Variants in EVX2 observed in about 807,000 individuals in gnomAD.
EVX2 encodes even-skipped homeobox 2, also known as homeobox even-skipped homolog protein 2.
EVX2 carries 10 observed loss-of-function variants against 19.2 expected under a neutral mutation model. The observed-to-expected ratio is 0.52, with a 90% CI of 0.32 to 0.89. The LOEUF (loss-of-function observed/expected upper bound fraction) is 0.89, where lower values mean the gene tolerates loss of function less well. EVX2 is among the 40% of genes least tolerant of loss of function. The probability of loss-of-function intolerance (pLI) is 0.03; values close to 1 mark genes in which losing one functional copy is unlikely to be tolerated. For missense variants in EVX2, 710 were observed against 694.9 expected (o/e 1.02, Z -0.24); for synonymous variants, 354 against 328.4 (o/e 1.08, Z -0.84).
At position 176,082,547 on chromosome 2, in the gene EVX2, A is replaced by AGTC; in HGVS notation, c.428-101_428-99dup. ...TCGGGGAAGCCCCGTCAGGAAGGAGAGTCGCTGCCGGAATTGATGGGGTCT... is the reference window on the plus strand; with the variant it reads ...TCGGGGAAGCCCCGTCAGGAAGGAGAGTCGTCGCTGCCGGAATTGATGGGGTCT... On this transcript the variant is annotated intron_variant, in intron 1 of 2. Transcript: ENST00000308618. The surrounding 1 kb of genome is among the most constrained non-coding windows in gnomAD (Gnocchi z 5.2). The AGTC allele has an allele frequency of 7.1e-7, 1 of 1,399,836 alleles. No homozygotes were observed. Among genetic ancestry groups the AGTC allele is most frequent in the South Asian group, 1.5e-5 (1 of 68,698 alleles). The allele number at this position is 1,399,836 out of a possible 1,614,324, so 86.7% of individuals were successfully genotyped here.
At position 176,080,102 on chromosome 2, in the gene EVX2, C is replaced by T. The variant is rs371899641; in HGVS notation, c.*5G>A. 2.0e-6 allele frequency: 3 copies of T among 1,532,622 alleles called. No individual in the cohort carries two copies. The highest frequency in any genetic ancestry group is 3.9e-5 in the Admixed American group (2 of 50,648). 94.9% of individuals were successfully genotyped at this position (1,532,622 alleles called of 1,614,324 possible). A position where few individuals can be genotyped will look rare whatever the true frequency, so the allele number is the denominator to read the frequency against. On this transcript the variant is annotated 3_prime_UTR_variant, in exon 3 of 3. Transcript: ENST00000308618. The surrounding 1 kb of genome is among the most constrained non-coding windows in gnomAD (Gnocchi z 7.0). ...GGGCGCGGCCCCCTGGCGGTGGCGA[C>T]GTAGTTATCTGGTGAGCGGAGCCTC...
chr2:176,078,762 C>CA lies in EVX2; in HGVS notation c.*1344_*1345insT, dbSNP rs1689088618. On this transcript the variant is annotated 3_prime_UTR_variant, in exon 3 of 3. Transcript: ENST00000308618. Reference sequence around the variant, plus strand: ...TAGTACTTGACAGCAGGTCTCCGTGCGGGGAACTTTTCTCCAATTCCACAT... The same window carrying CA: ...TAGTACTTGACAGCAGGTCTCCGTGCAGGGGAACTTTTCTCCAATTCCACAT... 1.3e-5 allele frequency: 2 copies of CA among 152,198 alleles called. No homozygotes were observed. The highest frequency in any genetic ancestry group is 4.8e-5 in the African/African-American group (2 of 41,446). The allele number at this position is 152,198 out of a possible 1,614,324, so 9.4% of individuals were successfully genotyped here.
chr2:176,080,911 G>GC lies in EVX2; in HGVS notation c.700-74dup, dbSNP rs1689138991. The GC allele has an allele frequency of 1.3e-6, 2 of 1,512,350 alleles. No individual in the cohort carries two copies. Among genetic ancestry groups the GC allele is most frequent in the East Asian group, 4.7e-5 (2 of 42,978 alleles). The allele number at this position is 1,512,350 out of a possible 1,614,324, so 93.7% of individuals were successfully genotyped here. On this transcript the variant is annotated intron_variant, in intron 2 of 2. Coordinates refer to ENST00000308618, the MANE Select transcript of EVX2 (RefSeq NM_001080458.2). The surrounding 1 kb of genome is among the most constrained non-coding windows in gnomAD (Gnocchi z 7.0). ...TCCCAGCTCCTGTCCCAGGACCTCTGCCCCTTCCGGACCTCTGAATGGCTT... is the reference window on the plus strand; with the variant it reads ...TCCCAGCTCCTGTCCCAGGACCTCTGCCCCCTTCCGGACCTCTGAATGGCTT...
At position 176,082,643 on chromosome 2, in the gene EVX2, G is replaced by T. The variant is rs974925084; in HGVS notation, c.428-194C>A. ...GGGAGCCCTTCATAAGCAAATAATAGAAACGGAATTAGGAGATTTCTTTTT... is the reference window on the plus strand; with the variant it reads ...GGGAGCCCTTCATAAGCAAATAATATAAACGGAATTAGGAGATTTCTTTTT... On this transcript the variant is annotated intron_variant, in intron 1 of 2. Transcript: ENST00000308618. The surrounding 1 kb of genome is among the most constrained non-coding windows in gnomAD (Gnocchi z 5.2). Among the ~76,000 whole-genome samples the T allele has an allele frequency of 3.3e-5, 5 of 152,226 alleles. No individual in the cohort carries two copies. Among genetic ancestry groups the T allele is most frequent in the African/African-American group, 4.8e-5 (2 of 41,470 alleles).
chr2:176,083,676 T>C lies in EVX2; in HGVS notation c.101A>G (p.Asn34Ser), dbSNP rs749069138. Residue 34 changes from asparagine to serine, a missense_variant, in exon 1 of 3, where the codon AAT becomes AGT. By Grantham distance (46) the Asn-to-Ser change is conservative. Coordinates refer to ENST00000308618, the MANE Select transcript of EVX2 (RefSeq NM_001080458.2). The surrounding 1 kb of genome is among the most constrained non-coding windows in gnomAD (Gnocchi z 4.4). ...RFSNLSNSAG[N>S]AVLEALENSQ... ...ATTTTCCAGGGCCTCGAGCACAGCA[T>C]TGCCAGCCGAGTTGGACAAATTGGA... 4 of 1,614,178 alleles carry C rather than the reference T, an allele frequency of 2.5e-6. No homozygotes were observed. The highest frequency in any genetic ancestry group is 2.2e-5 in the South Asian group (2 of 91,090).
Position 176,083,305 on chromosome 2 carries a change from C to G in EVX2, c.427+45G>C, listed in dbSNP as rs999970199. 1.3e-6 allele frequency: 2 copies of G among 1,527,100 alleles called. No individual in the cohort carries two copies. The highest frequency in any genetic ancestry group is 1.8e-6 in the Non-Finnish European group (2 of 1,132,380). 94.6% of individuals were successfully genotyped at this position (1,527,100 alleles called of 1,614,324 possible). A position where few individuals can be genotyped will look rare whatever the true frequency, so the allele number is the denominator to read the frequency against. On this transcript the variant is annotated intron_variant, in intron 1 of 2. Transcript: ENST00000308618. The surrounding 1 kb of genome is among the most constrained non-coding windows in gnomAD (Gnocchi z 4.4). ...AAGGCTGGCGGGGGCCGCGGAGGAG[C>G]AAAGAGGATGGGACTGGAGAGCGCG...
At position 176,078,653 on chromosome 2, in the gene EVX2, A is replaced by C. The variant is rs1689086613; in HGVS notation, c.*1454T>G. The C allele has an allele frequency of 6.6e-6, 1 of 152,246 alleles. No individual in the cohort carries two copies. The highest frequency in any genetic ancestry group is 1.5e-5 in the Non-Finnish European group (1 of 68,048). 9.4% of individuals were successfully genotyped at this position (152,246 alleles called of 1,614,324 possible). A position where few individuals can be genotyped will look rare whatever the true frequency, so the allele number is the denominator to read the frequency against. On this transcript the variant is annotated 3_prime_UTR_variant, in exon 3 of 3. Coordinates refer to ENST00000308618, the MANE Select transcript of EVX2 (RefSeq NM_001080458.2). ...CAGGTAACAGAGATAACATTAAATA[A>C]CATACATTCTATGCACCAAGAACAA...
rs1689082047 is a variant in EVX2, at chr2:176,078,269, G to A, written c.*1838C>T. ...GTGTATCTCTTACATATGTATTTAA[G>A]AGCACGGATATATATATGCATATAC... is the stretch of plus-strand genomic sequence containing the variant. On this transcript the variant is annotated 3_prime_UTR_variant, in exon 3 of 3. Coordinates refer to ENST00000308618, the MANE Select transcript of EVX2 (RefSeq NM_001080458.2). The A allele has an allele frequency of 7.3e-6, 1 of 136,848 alleles. No individual in the cohort carries two copies. The highest frequency in any genetic ancestry group is 3.0e-5 in the African/African-American group (1 of 32,994). 8.5% of individuals were successfully genotyped at this position (136,848 alleles called of 1,614,324 possible). A position where few individuals can be genotyped will look rare whatever the true frequency, so the allele number is the denominator to read the frequency against.
Position 176,080,602 on chromosome 2 carries a change from G to A in EVX2, c.936C>T (p.Phe312=), listed in dbSNP as rs769638449. Residue 312 remains phenylalanine, a synonymous_variant, in exon 3 of 3, where the codon TTC becomes TTT. Coordinates refer to ENST00000308618, the MANE Select transcript of EVX2 (RefSeq NM_001080458.2). This position sits in a 1 kb window ranked among gnomAD's most constrained non-coding sequence, Gnocchi z 7.0. The part of the protein sequence containing the change: ...SGAAAAASSP[F]ATSIRPLDTF... Reference sequence around the variant, plus strand: ...TGTCCAGTGGCCGGATGGAAGTAGCGAAGGGCGACGAAGCCGCGGCCGCCG... The same window carrying A: ...TGTCCAGTGGCCGGATGGAAGTAGCAAAGGGCGACGAAGCCGCGGCCGCCG... The A allele has an allele frequency of 1.3e-6, 2 of 1,526,766 alleles. No individual in the cohort carries two copies. The highest frequency in any genetic ancestry group is 1.2e-5 in the South Asian group (1 of 80,066). The allele number at this position is 1,526,766 out of a possible 1,614,324, so 94.6% of individuals were successfully genotyped here.
At position 176,080,139 on chromosome 2, in the gene EVX2, C is replaced by T; in HGVS notation, c.1399G>A (p.Asp467Asn). ...VLSKTAVSPP[D>N]QRDEAPLTR ...GTGAGCGGAGCCTCGTCCCTCTGGT[C>T]CGGCGGGCTCACGGCCGTCTTACTA... The change falls in exon 3 of 3, where the codon GAC (aspartate) becomes AAC (asparagine). Residue 467 changes from aspartate (D) to asparagine (N), a missense_variant. By Grantham distance (23) the Asp-to-Asn change is conservative (BLOSUM62 1). Coordinates refer to ENST00000308618, the MANE Select transcript of EVX2 (RefSeq NM_001080458.2). The surrounding 1 kb of genome is among the most constrained non-coding windows in gnomAD (Gnocchi z 7.0). The T allele has an allele frequency of 6.5e-7, 1 of 1,549,838 alleles. No individual in the cohort carries two copies. Among genetic ancestry groups the T allele is most frequent in the Non-Finnish European group, 8.7e-7 (1 of 1,152,618 alleles).
chr2:176,080,398 G>A lies in EVX2; in HGVS notation c.1140C>T (p.Pro380=). The A allele has an allele frequency of 1.8e-6, 2 of 1,091,894 alleles. No homozygotes were observed. Among genetic ancestry groups the A allele is most frequent in the Middle Eastern group, 4.0e-4 (1 of 2,506 alleles). The allele number at this position is 1,091,894 out of a possible 1,614,324, so 67.6% of individuals were successfully genotyped here. A position where few individuals can be genotyped will look rare whatever the true frequency, so the allele number is the denominator to read the frequency against. ...ACGAGCAGGGTGCAGAGCCGCCGCT[G>A]GGGGGCGCGCCGGCCGCCGCCGCCG... is the stretch of plus-strand genomic sequence containing the variant. The part of the protein sequence containing the change: ...ASSAAAAGAP[P]SGGSAPCSCL... The change falls in exon 3 of 3, where the codon CCC becomes CCT. Residue 380 remains proline, a synonymous_variant. Coordinates refer to ENST00000308618, the MANE Select transcript of EVX2 (RefSeq NM_001080458.2). The surrounding 1 kb of genome is among the most constrained non-coding windows in gnomAD (Gnocchi z 7.0).
In EVX2 at chr2:176,078,986, A is replaced by G. The variant is rs944183410; in HGVS notation, c.*1121T>C. ...GTGGCTTTGCAGAGGCGAAGGCGCA[A>G]TAGACATGCGTGAGAAATATGCCAA... On this transcript the variant is annotated 3_prime_UTR_variant, in exon 3 of 3. Coordinates refer to ENST00000308618, the MANE Select transcript of EVX2 (RefSeq NM_001080458.2). The G allele has an allele frequency of 2.5e-4, 38 of 152,284 alleles. No individual in the cohort carries two copies. The highest frequency in any genetic ancestry group is 8.0e-4 in the African/African-American group (33 of 41,442). 9.4% of individuals were successfully genotyped at this position (152,284 alleles called of 1,614,324 possible).
Position 176,080,871 on chromosome 2 carries a change from G to A in EVX2, c.700-33C>T. On this transcript the variant is annotated intron_variant, in intron 2 of 2. Transcript: ENST00000308618. The surrounding 1 kb of genome is among the most constrained non-coding windows in gnomAD (Gnocchi z 7.0). ...GAGAGACGCGCCGCAGCCTGGGTTA[G>A]GGAGCGCCCCGTGTTCCCAGCTCCT... 6.3e-7 allele frequency: 1 copy of A among 1,587,176 alleles called. No individual in the cohort carries two copies.
rs370365842 is a variant in EVX2, at chr2:176,083,339, G to C, written c.427+11C>G. On this transcript the variant is annotated intron_variant, in intron 1 of 2. Transcript: ENST00000308618. This position sits in a 1 kb window ranked among gnomAD's most constrained non-coding sequence, Gnocchi z 4.4. ...TGGGACTGGAGAGCGCGGTGCGGCC[G>C]GCGCGGTTACCTTTGCCATTGTTTT... 5.1e-6 allele frequency: 8 copies of C among 1,563,574 alleles called. No homozygotes were observed. The highest frequency in any genetic ancestry group is 1.8e-4 in the Middle Eastern group (1 of 5,530).
rs999432115 is a variant in EVX2, at chr2:176,078,126, T to C, written c.*1981A>G. ...CTTTCAAAAGTTTACTGAAAGCCTA[T>C]ATTTAGGAAATGATATTTTAAAATC... On this transcript the variant is annotated 3_prime_UTR_variant, in exon 3 of 3. Coordinates refer to ENST00000308618, the MANE Select transcript of EVX2 (RefSeq NM_001080458.2). The C allele has an allele frequency of 6.6e-6, 1 of 152,200 alleles. No individual in the cohort carries two copies. The highest frequency in any genetic ancestry group is 1.5e-5 in the Non-Finnish European group (1 of 68,010). The allele number at this position is 152,200 out of a possible 1,614,324, so 9.4% of individuals were successfully genotyped here. A position where few individuals can be genotyped will look rare whatever the true frequency, so the allele number is the denominator to read the frequency against.
At position 176,082,563 on chromosome 2, in the gene EVX2, G is replaced by C; in HGVS notation, c.428-114C>G. 1 of 1,244,716 alleles carries C rather than the reference G, an allele frequency of 8.0e-7. No individual in the cohort carries two copies. The highest frequency in any genetic ancestry group is 1.1e-6 in the Non-Finnish European group (1 of 924,294). The allele number at this position is 1,244,716 out of a possible 1,614,324, so 77.1% of individuals were successfully genotyped here. A position where few individuals can be genotyped will look rare whatever the true frequency, so the allele number is the denominator to read the frequency against. On this transcript the variant is annotated intron_variant, in intron 1 of 2. Coordinates refer to ENST00000308618, the MANE Select transcript of EVX2 (RefSeq NM_001080458.2). The surrounding 1 kb of genome is among the most constrained non-coding windows in gnomAD (Gnocchi z 5.2). ...AGGAAGGAGAGTCGCTGCCGGAATT[G>C]ATGGGGTCTGTCATGCTTACAAATT...
chr2:176,079,470 C>T lies in EVX2; in HGVS notation c.*637G>A, dbSNP rs1343370599. On this transcript the variant is annotated 3_prime_UTR_variant, in exon 3 of 3. Transcript: ENST00000308618. The surrounding 1 kb of genome is among the most constrained non-coding windows in gnomAD (Gnocchi z 4.4). ...TGCTCCTGAACGTAGTAAACAATCT[C>T]ACAAACAACCACCGCTGCCCACGCT... The T allele has an allele frequency of 6.6e-6, 1 of 152,240 alleles. No homozygotes were observed. Among genetic ancestry groups the T allele is most frequent in the East Asian group, 1.9e-4 (1 of 5,186 alleles). The allele number at this position is 152,240 out of a possible 1,614,324, so 9.4% of individuals were successfully genotyped here. A position where few individuals can be genotyped will look rare whatever the true frequency, so the allele number is the denominator to read the frequency against.
At position 176,082,188 on chromosome 2, in the gene EVX2, G is replaced by T; in HGVS notation, c.689C>A (p.Thr230Asn). ...ELAAALNLPE[T>N]TIKVWFQNRR... is the part of the protein sequence containing the mutation. Reference sequence around the variant, plus strand: ...CACTGGAATTGATACCTTGATGGTGGTTTCGGGCAGGTTGAGTGCCGCGGC... The same window carrying T: ...CACTGGAATTGATACCTTGATGGTGTTTTCGGGCAGGTTGAGTGCCGCGGC... The change falls in exon 2 of 3, where the codon ACC (threonine) becomes AAC (asparagine). Residue 230 changes from threonine to asparagine, a missense_variant. Transcript: ENST00000308618. This position sits in a 1 kb window ranked among gnomAD's most constrained non-coding sequence, Gnocchi z 5.2. 6.3e-7 allele frequency: 1 copy of T among 1,588,808 alleles called. No individual in the cohort carries two copies.
In EVX2 at chr2:176,080,501, G is replaced by T; in HGVS notation, c.1037C>A (p.Ala346Asp). Residue 346 changes from alanine (A) to aspartate (D), a missense_variant, in exon 3 of 3, where the codon GCT becomes GAT. Physicochemically the swap from Ala to Asp is moderately radical, Grantham distance 126 (BLOSUM62 -2). Coordinates refer to ENST00000308618, the MANE Select transcript of EVX2 (RefSeq NM_001080458.2). This position sits in a 1 kb window ranked among gnomAD's most constrained non-coding sequence, Gnocchi z 7.0. ...GTTGAGCCCCGCGGCGGCCGCGGGA[G>T]CCTGGTAGAGACCAGGGTGGCGGAA... ...CSFRHPGLYQ[A>D]PAAAAGLNSA... 1 of 1,420,142 alleles carries T rather than the reference G, an allele frequency of 7.0e-7. No homozygotes were observed. Among genetic ancestry groups the T allele is most frequent in the Non-Finnish European group, 9.1e-7 (1 of 1,098,226 alleles). The allele number at this position is 1,420,142 out of a possible 1,614,324, so 88.0% of individuals were successfully genotyped here.
Sources: gnomAD v4.1 joint callset for allele counts (sites outside exome capture counted in the v4.1 genomes callset) on GRCh38, gnomAD v4.1.1 for gene constraint, Gnocchi (gnomAD v3.1) non-coding constraint, MANE v1.5 for transcripts, NCBI Gene and HGNC (gene_info 2026-07-23, HGNC 2026-07-21) for gene names.